Variants in ASB9 observed in about 807,000 individuals in gnomAD.
ASB9 encodes ankyrin repeat and SOCS box containing 9.
Under a neutral mutation model 16.6 loss-of-function variants are expected in ASB9, and 5 were observed. That is an observed-to-expected ratio of 0.30 (90% CI 0.16 to 0.63). The LOEUF is 0.63. Among genes scored for constraint, ASB9 ranks in the 30% least tolerant of loss-of-function variants. The probability of loss-of-function intolerance (pLI) is 0.82; values close to 1 mark genes in which losing one functional copy is unlikely to be tolerated. For missense variants in ASB9, 216 were observed against 229.4 expected (o/e 0.94, Z 0.38); for synonymous variants, 100 against 86.4 (o/e 1.16, Z -0.87).
chrX:15,256,809 T>C lies in ASB9; in HGVS notation c.175-1965A>G, dbSNP rs1431054466. ...AAAAAAAAAAAGAAAGAAAAAAATG[T>C]GCCAACTTTTGTCGTGATCAAAGAA... On this transcript the variant is annotated intron_variant, in intron 2 of 6. Coordinates refer to ENST00000380488, the MANE Select transcript of ASB9 (RefSeq NM_001031739.3). 8.7e-5 allele frequency among the ~76,000 whole-genome samples: 9 copies of C among 103,280 alleles called. No individual in the cohort carries two copies. The Admixed American group carries it at 9.3e-4, about 11-fold the overall frequency. The allele number at this position is 103,280 out of a possible 115,157, so 89.7% of individuals were successfully genotyped here. A position where few individuals can be genotyped will look rare whatever the true frequency, so the allele number is the denominator to read the frequency against.
intron 1 of ASB9, among the ~76,000 whole-genome samples, chrX:15,267,417 A>AG (rs1555934601): frequency 7.7e-4 from 60 of 77,864 alleles, no homozygotes; most frequent in Non-Finnish European, 1.1e-3. Context: ...CTAAAAAAAA[A>AG]ATATATATAT....
At chrX:15,253,852 C>T (rs907788421) in intron 3 of ASB9, among the ~76,000 whole-genome samples, 4 of 111,530 alleles carry the variant, frequency 3.6e-5, no homozygotes, top group Non-Finnish European at 7.5e-5. Flanking sequence ...CGAATTCCTT[C>T]TCAAACTCTA....
intron 4 of ASB9, 148 bp downstream of exon 4, chrX:15,252,106 T>A (rs750635390): frequency 2.7e-5 from 16 of 590,846 alleles, no homozygotes; most frequent in Non-Finnish European, 4.1e-5. Context: ...AATCTGCATT[T>A]GCAGGCCAGG....
At chrX:15,256,221 C>A (rs1315648649) in intron 2 of ASB9, among the ~76,000 whole-genome samples, 2 of 109,338 alleles carry the variant, frequency 1.8e-5, no homozygotes, top group Non-Finnish European at 3.8e-5. Flanking sequence ...CATGCCCATT[C>A]ATTTACATAT....
Position 15,250,190 on chromosome X carries a change from G to GCATCATCAT in ASB9, c.568+231_568+239dup, listed in dbSNP as rs753079951. Among the ~76,000 whole-genome samples, 167 of 104,527 alleles carry GCATCATCAT rather than the reference G, an allele frequency of 1.6e-3. 1 individual carries two copies. The highest frequency in any genetic ancestry group is 5.9e-3 in the African/African-American group (160 of 27,014). 90.8% of individuals were successfully genotyped at this position (104,527 alleles called of 115,157 possible). On this transcript the variant is annotated intron_variant, in intron 5 of 6. Transcript: ENST00000380488. ...TCATTGAGGACCACCCTGAGAAGAG[G>GCATCATCAT]CATCATCATCATCATCATCCTCCTC...
At chrX:15,256,136 A>G (rs948413576) in intron 2 of ASB9, among the ~76,000 whole-genome samples, 1 of 110,473 alleles carries the variant, frequency 9.1e-6, no homozygotes, top group African/African-American at 3.3e-5. Context: ...AATCAAAGGA[A>G]TATTTTGTGA....
At chrX:15,244,694 A>AC in intron 6 of ASB9, 64 bp from the exon 7 acceptor site, 1 of 1,031,476 alleles carries the variant, frequency 9.7e-7, no homozygotes, top group Admixed American at 3.1e-5. Flanking sequence ...CTTTTTTTTA[A>AC]AAAAAAAAAG....
At chrX:15,253,282 A>G (rs1007846090) in intron 3 of ASB9, among the ~76,000 whole-genome samples, 2 of 109,071 alleles carry the variant, frequency 1.8e-5, no homozygotes, top group African/African-American at 6.7e-5. Flanking sequence ...GGACTGCTGA[A>G]ATATATTTGC....
In ASB9 at chrX:15,258,919, G is replaced by T; in HGVS notation, c.121C>A (p.His41Asn). 5.0e-6 allele frequency: 6 copies of T among 1,209,935 alleles called. No homozygotes were observed. Among genetic ancestry groups the T allele is most frequent in the Non-Finnish European group, 6.7e-6 (6 of 893,801 alleles). Residue 41 changes from histidine (H) to asparagine (N), a missense_variant, in exon 2 of 7, where the codon CAT becomes AAT. Transcript: ENST00000380488. ...TGATGTCCGTGGATTGCAGCTTCAT[G>T]CATAGGAGACCAATCAGACACAGCA... ...GDAVSDWSPMHEAAIHGHQLS... is the reference protein window; with the variant it reads ...GDAVSDWSPMNEAAIHGHQLS...
At position 15,250,882 on chromosome X, in the gene ASB9, T is replaced by G. The variant is rs933386403; in HGVS notation, c.434-318A>C. On this transcript the variant is annotated intron_variant, in intron 4 of 6. Coordinates refer to ENST00000380488, the MANE Select transcript of ASB9 (RefSeq NM_001031739.3). ...ACTACAGGCGCCCGCCACCACACCC[T>G]GCTAACTTTTTTGTATTTTTAGTAG... 2.7e-5 allele frequency among the ~76,000 whole-genome samples: 3 copies of G among 111,196 alleles called. No homozygotes were observed. In the Admixed American group the frequency reaches 2.9e-4, roughly 11 times the overall value.
chrX:15,248,494 C>A (rs926340288), intron 6 of ASB9, among the ~76,000 whole-genome samples: 1 of 111,690 alleles, frequency 9.0e-6, no homozygotes, highest in African/African-American at 3.3e-5. Flanking sequence ...AACTGGCCTA[C>A]CCCATAATGA....
intron 1 of ASB9, among the ~76,000 whole-genome samples, chrX:15,260,197 G>A (rs1021998170): frequency 3.6e-5 from 4 of 112,026 alleles, no homozygotes; most frequent in Admixed American, 9.5e-5. Context: ...TCAGGAGTTC[G>A]AGACCAGCCT....
At chrX:15,260,080 T>C (rs1262900492) in intron 1 of ASB9, among the ~76,000 whole-genome samples, 1 of 112,100 alleles carries the variant, frequency 8.9e-6, no homozygotes, top group Admixed American at 9.5e-5. Flanking sequence ...GTCTTAATTA[T>C]ACCTCATCAT....
Position 15,248,889 on chromosome X carries a change from T to A in ASB9, c.615A>T (p.Ala205=). The change falls in exon 6 of 7, where the codon GCA becomes GCT. Residue 205 remains alanine (A), a synonymous_variant. Coordinates refer to ENST00000380488, the MANE Select transcript of ASB9 (RefSeq NM_001031739.3). ...GCTCTTCACTGGCTGTCCTGGCCAC[T>A]GCATGAAGTGGGGAATCCTGACCTT... is the stretch of plus-strand genomic sequence containing the variant. ...QGKGQDSPLH[A]VARTASEELA... The A allele has an allele frequency of 1.7e-6, 2 of 1,207,195 alleles. No individual in the cohort carries two copies. The highest frequency in any genetic ancestry group is 2.2e-6 in the Non-Finnish European group (2 of 892,919).
chrX:15,263,205 C>T (rs1926109587), intron 1 of ASB9, among the ~76,000 whole-genome samples: 2 of 111,364 alleles, frequency 1.8e-5, no homozygotes, highest in Non-Finnish European at 3.8e-5. Context: ...CATAAATCTA[C>T]TCATCCTGAG....
At chrX:15,265,032 C>A (rs1926272025) in intron 1 of ASB9, among the ~76,000 whole-genome samples, 1 of 112,252 alleles carries the variant, frequency 8.9e-6, no homozygotes, top group African/African-American at 3.2e-5. Context: ...GAATCTCTTT[C>A]TGCTTCTCTG....
At chrX:15,265,473 T>C (rs1312787152) in intron 1 of ASB9, among the ~76,000 whole-genome samples, 3 of 112,137 alleles carry the variant, frequency 2.7e-5, no homozygotes, top group Non-Finnish European at 5.6e-5. Flanking sequence ...TTCTCTGTCA[T>C]TTCCAAAGTT....
At chrX:15,265,648 T>TA (rs1926322455) in intron 1 of ASB9, among the ~76,000 whole-genome samples, 2 of 110,387 alleles carry the variant, frequency 1.8e-5, no homozygotes, top group Admixed American at 9.7e-5. Context: ...TGCATTTTTT[T>TA]TTTTTGAGAC....
chrX:15,263,765 C>CTAGCT (rs1168104858), intron 1 of ASB9, among the ~76,000 whole-genome samples: 1 of 111,495 alleles, frequency 9.0e-6, no homozygotes, highest in African/African-American at 3.3e-5. Context: ...AATACCTGTT[C>CTAGCT]TAGCTTGTCT....
Sources: gnomAD v4.1 joint callset for allele counts (sites outside exome capture counted in the v4.1 genomes callset) on GRCh38, gnomAD v4.1.1 for gene constraint, MANE v1.5 for transcripts, NCBI Gene and HGNC (gene_info 2026-07-23, HGNC 2026-07-21) for gene names.